Variants in VPS13B observed in about 807,000 individuals in gnomAD.
The protein encoded by VPS13B is intermembrane lipid transfer protein VPS13B.
In VPS13B, 285 loss-of-function variants were observed where a neutral mutation model predicts 426.4. The ratio of observed to expected loss-of-function variants is 0.67; its 90% confidence interval spans 0.61 to 0.74. VPS13B has a LOEUF of 0.74. VPS13B is among the 30% of genes least tolerant of loss of function. The pLI is 0.00. For synonymous variants in VPS13B, 1,676 were observed against 1,676.4 expected, an observed-to-expected ratio of 1.00 and a Z score of 0.01; for missense variants, 4,537 against 4,782.6, an observed-to-expected ratio of 0.95 and a Z score of 1.51.
At chr8:99,850,905 G>A (rs1043905911) in intron 55 of VPS13B, among the ~76,000 whole-genome samples, 8 of 152,202 alleles carry the variant, frequency 5.3e-5, no homozygotes, top group South Asian at 2.1e-4. Flanking sequence ...CAGCCTGGGC[G>A]ACAGAGCGAG....
intron 3 of VPS13B, among the ~76,000 whole-genome samples, chr8:99,053,053 G>A (rs1194509730): frequency 6.6e-6 from 1 of 151,594 alleles, no homozygotes; most frequent in Non-Finnish European, 1.5e-5. Context: ...TCTGATCTTA[G>A]TTATTTCTTG....
intron 43 of VPS13B, among the ~76,000 whole-genome samples, chr8:99,806,393 A>G (rs1813402465): frequency 6.6e-6 from 1 of 152,188 alleles, no homozygotes; most frequent in Non-Finnish European, 1.5e-5. Context: ...TCTGAGACCC[A>G]GCTGCTTCCC....
At chr8:99,871,256 C>A in intron 60 of VPS13B, 192 bp from the exon 61 acceptor site, 1 of 860,042 alleles carries the variant, frequency 1.2e-6, no homozygotes, top group Non-Finnish European at 1.8e-6. Context: ...TCTTTGTTCC[C>A]AGGAGGAAGC....
intron 21 of VPS13B, among the ~76,000 whole-genome samples, chr8:99,428,088 A>G (rs1816835520): frequency 6.6e-6 from 1 of 152,256 alleles, no homozygotes. Context: ...AGCCATATGT[A>G]GAAAGCTGAA....
In VPS13B at chr8:99,853,883, C is replaced by T; in HGVS notation, c.10494C>T (p.Ser3498=). ...KSILCDINEF[S]FELKPARLYV... is the part of the protein sequence containing the mutation. ...TCCTCTGTGATATTAATGAGTTCAG[C>T]TTTGAATTAAAACCTGCTCGGTTAT... Residue 3498 remains serine, a synonymous_variant, in exon 56 of 62, where the codon AGC becomes AGT. Transcript: ENST00000357162. The T allele has an allele frequency of 1.2e-6, 2 of 1,614,232 alleles. No homozygotes were observed. Among genetic ancestry groups the T allele is most frequent in the Non-Finnish European group, 1.7e-6 (2 of 1,180,042 alleles).
intron 33 of VPS13B, among the ~76,000 whole-genome samples, chr8:99,607,438 A>G (rs868450276): frequency 6.6e-6 from 1 of 152,174 alleles, no homozygotes; most frequent in Non-Finnish European, 1.5e-5. Context: ...AGTTTCATAC[A>G]CTGTTGGGCC....
At chr8:99,490,358 TTCTCTTTCTTTGTTGTG>T (rs1486807084) in intron 25 of VPS13B, among the ~76,000 whole-genome samples, 2 of 152,224 alleles carry the variant, frequency 1.3e-5, no homozygotes, top group Non-Finnish European at 2.9e-5. Context: ...TGGTCTAAAA[TTCTCTTTCTTTGTTGTG>T]TCTCTGCCAG....
intron 8 of VPS13B, among the ~76,000 whole-genome samples, chr8:99,126,079 A>G (rs182093801): frequency 4.7e-4 from 72 of 152,310 alleles, no homozygotes; most frequent in African/African-American, 1.6e-3. Context: ...CACCTCTTGT[A>G]GAGATGGAAA....
chr8:99,399,348 CT>C (rs1814912011), intron 21 of VPS13B, among the ~76,000 whole-genome samples: 1 of 152,082 alleles, frequency 6.6e-6, no homozygotes, highest in Non-Finnish European at 1.5e-5. Flanking sequence ...TAATTTGTTT[CT>C]GCACTATTCT....
chr8:99,309,072 T>C (rs1820805388), intron 19 of VPS13B, among the ~76,000 whole-genome samples: 1 of 152,232 alleles, frequency 6.6e-6, no homozygotes. Flanking sequence ...TTGTAGATTC[T>C]GGATATTAGC....
chr8:99,326,452 C>CTTTTTGTTTTTTTT (rs1810269679), intron 19 of VPS13B, among the ~76,000 whole-genome samples: 1 of 32,518 alleles, frequency 3.1e-5, no homozygotes, highest in African/African-American at 1.3e-4. Context: ...CTCTAGGTAG[C>CTTTTTGTTTTTTTT]TTTTTTTTTT....
At chr8:99,106,520 C>G (rs1464752574) in intron 5 of VPS13B, among the ~76,000 whole-genome samples, 2 of 151,268 alleles carry the variant, frequency 1.3e-5, no homozygotes, top group Admixed American at 1.3e-4. Flanking sequence ...TGAACATACT[C>G]TTGTAACCAC....
At chr8:99,134,609 C>G in intron 8 of VPS13B, 23 bp from the exon 9 acceptor site, 1 of 1,546,082 alleles carries the variant, frequency 6.5e-7, no homozygotes, top group South Asian at 1.2e-5. Flanking sequence ...ATTTGATTTA[C>G]TTAATATTCT....
chr8:99,082,075 C>T (rs564084950), intron 3 of VPS13B, among the ~76,000 whole-genome samples: 1 of 152,184 alleles, frequency 6.6e-6, no homozygotes, highest in African/African-American at 2.4e-5. Flanking sequence ...TATAGTCCCA[C>T]CAACAGTGTA....
rs187075008 is a variant in VPS13B, at chr8:99,019,033, C to T, written c.147+5098C>T. ...ATACTAGCCTATGATTTTCCTTTCT[C>T]GTAATGTGATTACCTGGTTTTGAAT... is the stretch of plus-strand genomic sequence containing the variant. On this transcript the variant is annotated intron_variant, in intron 2 of 61. Coordinates refer to ENST00000357162, the MANE Select transcript of VPS13B (RefSeq NM_152564.5). Among the ~76,000 whole-genome samples, 4 of 151,942 alleles carry T rather than the reference C, an allele frequency of 2.6e-5. No individual in the cohort carries two copies. The East Asian group carries it at 5.8e-4, about 22-fold the overall frequency.
intron 2 of VPS13B, among the ~76,000 whole-genome samples, chr8:99,036,875 A>C (rs1264302898): frequency 6.6e-6 from 1 of 152,162 alleles, no homozygotes; most frequent in African/African-American, 2.4e-5. Context: ...GGAAGTATAG[A>C]GGCAGTATTA....
chr8:99,187,899 T>G (rs1813309181), intron 16 of VPS13B, among the ~76,000 whole-genome samples: 2 of 151,954 alleles, frequency 1.3e-5, no homozygotes, highest in Admixed American at 1.3e-4. Context: ...GCCTGGGAGA[T>G]GGAGGCTGCA....
chr8:99,778,891 A>C lies in VPS13B; in HGVS notation c.7639A>C (p.Ser2547Arg). Reference sequence around the variant, plus strand: ...TATGCAAAGTGTGGTGAAACCCTTCAGCATCTTCGGGCAGATGGCAGTTTC... The same window carrying C: ...TATGCAAAGTGTGGTGAAACCCTTCCGCATCTTCGGGCAGATGGCAGTTTC... ...VTMQSVVKPF[S>R]IFGQMAVSSD... Residue 2547 changes from serine (S) to arginine (R), a missense_variant, in exon 42 of 62, where the codon AGC (serine) becomes CGC (arginine). By Grantham distance (110) the Ser-to-Arg change is moderately radical. Coordinates refer to ENST00000357162, the MANE Select transcript of VPS13B (RefSeq NM_152564.5). 6.2e-7 allele frequency: 1 copy of C among 1,614,038 alleles called. No individual in the cohort carries two copies. Among genetic ancestry groups the C allele is most frequent in the Non-Finnish European group, 8.5e-7 (1 of 1,179,930 alleles).
intron 2 of VPS13B, among the ~76,000 whole-genome samples, chr8:99,019,524 G>A (rs1841785489): frequency 6.6e-6 from 1 of 152,050 alleles, no homozygotes; most frequent in Non-Finnish European, 1.5e-5. Context: ...TTAAATGTAC[G>A]ATTCTGTGGT....
Sources: allele counts gnomAD v4.1 joint callset (sites outside exome capture counted in the v4.1 genomes callset), GRCh38; gene constraint gnomAD v4.1.1; transcripts MANE v1.5; gene names NCBI Gene and HGNC (gene_info 2026-07-23, HGNC 2026-07-21).